CA10: variants seen among roughly 807,000 people sequenced by gnomAD.
The protein encoded by CA10 is carbonic anhydrase-related protein 10.
CA10 carries 14 observed loss-of-function variants against 44.2 expected under a neutral mutation model. That is an observed-to-expected ratio of 0.32 (90% CI 0.21 to 0.50). The LOEUF is 0.50. Among genes scored for constraint, CA10 ranks in the 20% least tolerant of loss-of-function variants. The pLI, the probability that CA10 is intolerant of heterozygous loss-of-function variation, is 0.99. For missense variants in CA10, 350 were observed against 409.7 expected (o/e 0.85, Z 1.26); for synonymous variants, 159 against 141.6 (o/e 1.12, Z -0.87).
intron 4 of CA10, among the ~76,000 whole-genome samples, chr17:51,693,053 A>T (rs1915274582): frequency 6.6e-6 from 1 of 152,176 alleles, no homozygotes; most frequent in Admixed American, 6.5e-5. Context: ...TCCATGGGTT[A>T]TAACAGATTT....
chr17:51,863,656 C>T (rs1979415227), intron 3 of CA10, among the ~76,000 whole-genome samples: 1 of 152,084 alleles, frequency 6.6e-6, no homozygotes, highest in African/African-American at 2.4e-5. Flanking sequence ...ATTCACTGGT[C>T]CCCACGGACA....
intron 3 of CA10, among the ~76,000 whole-genome samples, chr17:51,838,395 AAC>A (rs1978294259): frequency 6.6e-6 from 1 of 152,210 alleles, no homozygotes; most frequent in African/African-American, 2.4e-5. Flanking sequence ...CTTCTAAATC[AAC>A]ACACATTTGC....
rs148665300 is a variant in CA10 at position 51,868,235 on chromosome 17, G to T, written c.279+62755C>A. Among the ~76,000 whole-genome samples, 56 of 152,270 alleles carry T rather than the reference G, an allele frequency of 3.7e-4. 3 individuals are homozygous for T. Among genetic ancestry groups the T allele is most frequent in the African/African-American group, 1.3e-3 (53 of 41,556 alleles). On this transcript the variant is annotated intron_variant, in intron 3 of 8. Coordinates refer to ENST00000451037, the MANE Select transcript of CA10 (RefSeq NM_020178.5). ...AATCTCTGCTACCAGCTGCAGAGAA[G>T]AATTTTTAATGAAATGGGAATTTAA...
chr17:52,115,809 C>T (rs1988883481), intron 1 of CA10, among the ~76,000 whole-genome samples: 1 of 152,234 alleles, frequency 6.6e-6, no homozygotes, highest in Admixed American at 6.5e-5. Context: ...AAAAGTTTCT[C>T]TCAGCTGGGC....
chr17:51,646,301 G>A (rs1032651324), intron 6 of CA10, among the ~76,000 whole-genome samples: 2 of 152,194 alleles, frequency 1.3e-5, no homozygotes, highest in Non-Finnish European at 2.9e-5. Context: ...GTAAAGCATA[G>A]ACCTTGGTGT....
chr17:52,136,282 G>A (rs1165892627), intron 1 of CA10, among the ~76,000 whole-genome samples: 4 of 152,204 alleles, frequency 2.6e-5, no homozygotes, highest in Admixed American at 2.6e-4. Flanking sequence ...GCACAATAAA[G>A]TAGAATATTT....
chr17:51,975,872 GAAAAA>G (rs139387796), intron 2 of CA10, among the ~76,000 whole-genome samples: 1 of 98,140 alleles, frequency 1.0e-5, no homozygotes, highest in Non-Finnish European at 2.0e-5. Context: ...CTCTGTCTCG[GAAAAA>G]AAAAAAAAAA....
rs539224809 is a variant in CA10, at chr17:51,760,892, G to A, written c.280-13074C>T. On this transcript the variant is annotated intron_variant, in intron 3 of 8. Transcript: ENST00000451037. ...CAAAATATTATTTCAACATGTAATC[G>A]ATATAATAATTATGAATGAGGTGTT... Among the ~76,000 whole-genome samples the A allele has an allele frequency of 1.1e-4, 16 of 152,236 alleles. No individual in the cohort carries two copies. The South Asian group carries it at 2.5e-3, about 24-fold the overall frequency.
At chr17:51,935,966 T>C (rs995088816) in intron 2 of CA10, among the ~76,000 whole-genome samples, 5 of 152,162 alleles carry the variant, frequency 3.3e-5, no homozygotes, top group African/African-American at 1.2e-4. Context: ...TAGATTGTGC[T>C]TTTAGGCATC....
chr17:51,744,795 C>A (rs1461790573), intron 4 of CA10, among the ~76,000 whole-genome samples: 1 of 152,152 alleles, frequency 6.6e-6, no homozygotes, highest in African/African-American at 2.4e-5. Flanking sequence ...ACAGAAGATG[C>A]CAAACTCTTC....
chr17:52,039,109 C>G (rs1986698145), intron 2 of CA10, among the ~76,000 whole-genome samples: 1 of 151,680 alleles, frequency 6.6e-6, no homozygotes, highest in Admixed American at 6.6e-5. Context: ...GATTAATTCT[C>G]CCCCATCTTG....
intron 2 of CA10, among the ~76,000 whole-genome samples, chr17:52,056,837 A>G (rs1436632905): frequency 6.6e-6 from 1 of 152,134 alleles, no homozygotes; most frequent in African/African-American, 2.4e-5. Flanking sequence ...GATTTCAAGT[A>G]CAAATAAAAG....
intron 2 of CA10, among the ~76,000 whole-genome samples, chr17:51,982,363 A>G (rs1984680172): frequency 6.6e-6 from 1 of 151,912 alleles, no homozygotes; most frequent in Non-Finnish European, 1.5e-5. Flanking sequence ...GTTGACTTAA[A>G]TTGTGCAATC....
intron 4 of CA10, among the ~76,000 whole-genome samples, chr17:51,709,536 G>T (rs1281229049): frequency 6.6e-6 from 1 of 152,116 alleles, no homozygotes; most frequent in Non-Finnish European, 1.5e-5. Context: ...AAAAATAGAT[G>T]GTGGACCCCA....
chr17:51,751,296 A>G (rs1345988759), intron 3 of CA10, among the ~76,000 whole-genome samples: 2 of 152,192 alleles, frequency 1.3e-5, no homozygotes, highest in Non-Finnish European at 2.9e-5. Flanking sequence ...GTATTTAATG[A>G]GTATAAAGTT....
chr17:51,926,587 C>T (rs947447996), intron 3 of CA10, among the ~76,000 whole-genome samples: 7 of 152,122 alleles, frequency 4.6e-5, no homozygotes, highest in African/African-American at 1.7e-4. Context: ...TCTGGAAGCT[C>T]CAAGGAAGAA....
intron 2 of CA10, among the ~76,000 whole-genome samples, chr17:51,960,799 C>T (rs568234511): frequency 1.3e-5 from 2 of 152,170 alleles, no homozygotes; most frequent in East Asian, 1.9e-4. Context: ...TCAAAAGAAA[C>T]ATTAGAACAT....
intron 2 of CA10, among the ~76,000 whole-genome samples, chr17:52,064,881 C>T (rs1987491272): frequency 6.6e-6 from 1 of 152,204 alleles, no homozygotes. Flanking sequence ...TTTTAAGCTG[C>T]TGAATAAGTG....
chr17:51,677,260 T>A (rs1914655974), intron 4 of CA10, among the ~76,000 whole-genome samples: 1 of 152,182 alleles, frequency 6.6e-6, no homozygotes, highest in African/African-American at 2.4e-5. Flanking sequence ...GGTGGGAGGT[T>A]ACTGGATCAT....
Sources: gnomAD v4.1 joint callset for allele counts (sites outside exome capture counted in the v4.1 genomes callset) on GRCh38, gnomAD v4.1.1 for gene constraint, MANE v1.5 for transcripts, NCBI Gene and HGNC (gene_info 2026-07-23, HGNC 2026-07-21) for gene names.